The following GLOD5 variants were observed in gnomAD, a reference collection of about 807,000 sequenced individuals.
GLOD5 encodes the protein glyoxalase domain-containing protein 5.
GLOD5 carries 7 observed loss-of-function variants against 9.9 expected under a neutral mutation model. The ratio of observed to expected loss-of-function variants is 0.71; its 90% confidence interval spans 0.40 to 1.33. The LOEUF is 1.33. Ranked by LOEUF, GLOD5 falls within the 40% of genes most tolerant of loss-of-function variation. The pLI is 0.01. For synonymous variants in GLOD5, 49 were observed against 47.3 expected, an observed-to-expected ratio of 1.04 and a Z score of -0.14; for missense variants, 146 against 128.4, an observed-to-expected ratio of 1.14 and a Z score of -0.66.
chrX:48,767,583 G>C (rs1204335467), intron 2 of GLOD5, among the ~76,000 whole-genome samples: 1 of 111,655 alleles, frequency 9.0e-6, no homozygotes, highest in African/African-American at 3.3e-5. Context: ...GGTGGCGGGC[G>C]CCTGTAATCC....
intron 2 of GLOD5, among the ~76,000 whole-genome samples, chrX:48,768,062 C>T (rs1191397918): frequency 8.9e-6 from 1 of 112,096 alleles, no homozygotes; most frequent in Non-Finnish European, 1.9e-5. Flanking sequence ...ACCTCCCAGA[C>T]TCAGGTGCTT....
chrX:48,771,076 C>T lies in GLOD5; in HGVS notation c.351C>T (p.His117=), dbSNP rs1557017334. 2 of 1,172,797 alleles carry T rather than the reference C, an allele frequency of 1.7e-6. No individual in the cohort carries two copies. The highest frequency in any genetic ancestry group is 3.1e-5 in the East Asian group (1 of 32,543). Residue 117 remains histidine (H), a synonymous_variant, in exon 3 of 4, where the codon CAC becomes CAT. Transcript: ENST00000303227. ...TEVPLEEMIQ[H]LKACDVPIEE... ...TGCCTTTGGAGGAAATGATCCAGCA[C>T]CTCAAGGTGAGTGGGACTTCTCTTC...
chrX:48,771,546 C>G, intron 3 of GLOD5, among the ~76,000 whole-genome samples: 1 of 111,260 alleles, frequency 9.0e-6, no homozygotes, highest in Middle Eastern at 4.2e-3. Flanking sequence ...AAACTCCTGA[C>G]CTCAAGTGCT....
chrX:48,773,341 T>C lies in GLOD5; in HGVS notation c.389T>C (p.Val130Ala). Residue 130 changes from valine to alanine, a missense_variant, in exon 4 of 4, where the codon GTC becomes GCC. Val to Ala is a moderately conservative substitution (Grantham distance 64, BLOSUM62 0). Transcript: ENST00000303227. The stretch of plus-strand genomic sequence containing the variant: ...GATGTCCCTATTGAGGAGGGGCCAG[T>C]CCCCAGAACAGGGGCAAAAGGGCCT... ...ACDVPIEEGP[V>A]PRTGAKGPIM... is the part of the protein sequence containing the mutation. 3 of 1,209,876 alleles carry C rather than the reference T, an allele frequency of 2.5e-6. No individual in the cohort carries two copies. The highest frequency in any genetic ancestry group is 3.4e-6 in the Non-Finnish European group (3 of 893,923).
intron 1 of GLOD5, among the ~76,000 whole-genome samples, chrX:48,763,999 G>C (rs1557016300): frequency 8.9e-6 from 1 of 112,733 alleles, no homozygotes; most frequent in African/African-American, 3.2e-5. Context: ...GAACAGAATA[G>C]AATGGAATCC....
At chrX:48,765,787 T>C (rs781888844) in intron 1 of GLOD5, 48 bp from the exon 2 acceptor site, 2 of 1,182,314 alleles carry the variant, frequency 1.7e-6, no homozygotes, top group African/African-American at 3.5e-5. Flanking sequence ...AACACAGGCG[T>C]TGACAAGTGG....
chrX:48,765,144 G>A (rs1239859377), intron 1 of GLOD5, among the ~76,000 whole-genome samples: 1 of 110,572 alleles, frequency 9.0e-6, no homozygotes, highest in Non-Finnish European at 1.9e-5. Flanking sequence ...GGTAAAATTG[G>A]CCAATTCACA....
chrX:48,769,470 G>A (rs1359157128), intron 2 of GLOD5, among the ~76,000 whole-genome samples: 3 of 110,986 alleles, frequency 2.7e-5, no homozygotes, highest in South Asian at 3.8e-4. Flanking sequence ...GCAGTGAGCC[G>A]TGATTGCACC....
chrX:48,763,533 G>GAAAAAA (rs2062601625), intron 1 of GLOD5, among the ~76,000 whole-genome samples: 1 of 109,884 alleles, frequency 9.1e-6, no homozygotes, highest in Non-Finnish European at 1.9e-5. Flanking sequence ...AAAGAAAAAA[G>GAAAAAA]AAAACAAAAA....
Position 48,765,957 on chromosome X carries a change from GGTCATGA to G in GLOD5, c.187_193del (p.Val63LeufsTer41). The G allele has an allele frequency of 8.3e-7, 1 of 1,207,332 alleles. No homozygotes were observed. The highest frequency in any genetic ancestry group is 1.1e-6 in the Non-Finnish European group (1 of 893,170). On this transcript the variant is annotated frameshift_variant, in exon 2 of 4. Transcript: ENST00000303227. LOFTEE classifies it high-confidence loss of function. ...TTTATTCCAAGATCCTGGGCATGGA[GGTCATGA>G]CTTTTAAGGTAAGCACTTCCCCAAA...
intron 1 of GLOD5, among the ~76,000 whole-genome samples, chrX:48,763,598 T>G (rs1382101986): frequency 9.0e-6 from 1 of 111,274 alleles, no homozygotes; most frequent in East Asian, 2.8e-4. Flanking sequence ...GAGGCTGAAG[T>G]AGGAGGATTG....
chrX:48,772,194 G>A (rs1422158507), intron 3 of GLOD5, among the ~76,000 whole-genome samples: 6 of 110,371 alleles, frequency 5.4e-5, no homozygotes, highest in African/African-American at 9.9e-5. Flanking sequence ...CTATGATCAC[G>A]CCACTGCACT....
chrX:48,770,933 C>G lies in GLOD5; in HGVS notation c.208C>G (p.Arg70Gly). The change falls in exon 3 of 4, where the codon CGG becomes GGG. Residue 70 changes from arginine (R) to glycine (G), a missense_variant. By Grantham distance (125) the Arg-to-Gly change is moderately radical (BLOSUM62 -2). Transcript: ENST00000303227. The part of the protein sequence containing the change: ...GMEVMTFKED[R>G]KALCFGDQKF... Reference sequence around the variant, plus strand: ...GCCCCTCCCCACCAAGTAGGAAGACCGGAAAGCACTGTGTTTTGGAGACCA... The same window carrying G: ...GCCCCTCCCCACCAAGTAGGAAGACGGGAAAGCACTGTGTTTTGGAGACCA... The G allele has an allele frequency of 3.4e-6, 4 of 1,181,417 alleles. No individual in the cohort carries two copies. Among genetic ancestry groups the G allele is most frequent in the Non-Finnish European group, 4.5e-6 (4 of 881,928 alleles).
chrX:48,767,933 C>T (rs2062613338), intron 2 of GLOD5, among the ~76,000 whole-genome samples: 1 of 111,228 alleles, frequency 9.0e-6, no homozygotes, highest in African/African-American at 3.3e-5. Context: ...ACACATATAA[C>T]TTAAATAGAA....
intron 3 of GLOD5, among the ~76,000 whole-genome samples, chrX:48,772,495 C>T (rs1341539024): frequency 2.7e-5 from 3 of 111,363 alleles, no homozygotes; most frequent in African/African-American, 9.8e-5. Flanking sequence ...GCTGTGATCG[C>T]ACCACTCCAT....
chrX:48,771,692 G>A (rs1557017402), intron 3 of GLOD5, among the ~76,000 whole-genome samples: 1 of 111,836 alleles, frequency 8.9e-6, no homozygotes, highest in African/African-American at 3.3e-5. Flanking sequence ...TAAAGGAAAA[G>A]TAACTGTAAA....
At chrX:48,764,602 C>T (rs1324328174) in intron 1 of GLOD5, among the ~76,000 whole-genome samples, 1 of 104,384 alleles carries the variant, frequency 9.6e-6, no homozygotes, top group Non-Finnish European at 2.0e-5. Context: ...CCCAGGAGTC[C>T]GGTTGAGTGA....
chrX:48,766,465 T>A (rs1028883052), intron 2 of GLOD5, among the ~76,000 whole-genome samples: 2 of 111,843 alleles, frequency 1.8e-5, no homozygotes, highest in East Asian at 5.6e-4. Flanking sequence ...AAGGTAAATG[T>A]AGGGGCCAGG....
At chrX:48,764,099 C>T (rs1443191247) in intron 1 of GLOD5, among the ~76,000 whole-genome samples, 4 of 112,595 alleles carry the variant, frequency 3.6e-5, no homozygotes, top group African/African-American at 1.3e-4. Flanking sequence ...ATTTATTGAA[C>T]AAATATGATT....
Sources: gnomAD v4.1 joint callset for allele counts (sites outside exome capture counted in the v4.1 genomes callset) on GRCh38, gnomAD v4.1.1 for gene constraint, MANE v1.5 for transcripts, NCBI Gene and HGNC (gene_info 2026-07-23, HGNC 2026-07-21) for gene names.